Variants in SYN3 observed in about 807,000 individuals in gnomAD.
SYN3 encodes synapsin-3.
In SYN3, 35 loss-of-function variants were observed where a neutral mutation model predicts 65.8. The observed-to-expected ratio is 0.53, with a 90% CI of 0.41 to 0.70. The LOEUF (loss-of-function observed/expected upper bound fraction) is 0.70. Ranked by LOEUF, SYN3 falls within the 30% of genes least tolerant of loss-of-function variation. The probability of loss-of-function intolerance (pLI) is 0.00; values close to 1 mark genes in which losing one functional copy is unlikely to be tolerated. For missense variants in SYN3, 680 were observed against 749.0 expected, an observed-to-expected ratio of 0.91 and a Z score of 1.08; for synonymous variants, 270 against 292.9, an observed-to-expected ratio of 0.92 and a Z score of 0.80.
At chr22:32,520,134 T>C (rs2710366) in intron 12 of SYN3, among the ~76,000 whole-genome samples, 7,890 of 152,124 alleles carry the variant, frequency 0.052, 685 homozygotes, top group African/African-American at 0.18. Flanking sequence ...TGTATATAGG[T>C]ATGTATGTAT....
At chr22:32,776,891 G>A (rs1056845620) in intron 6 of SYN3, among the ~76,000 whole-genome samples, 1 of 152,130 alleles carries the variant, frequency 6.6e-6, no homozygotes, top group Non-Finnish European at 1.5e-5. Context: ...AGCAGGAGCC[G>A]CCCCCTATCC....
At chr22:32,555,409 T>C (rs2058480327) in intron 7 of SYN3, among the ~76,000 whole-genome samples, 1 of 152,210 alleles carries the variant, frequency 6.6e-6, no homozygotes, top group South Asian at 2.1e-4. Flanking sequence ...CCTATTTCAA[T>C]CACCCAGAAA....
intron 4 of SYN3, 75 bp downstream of exon 4, chr22:32,931,314 TG>T: frequency 1.0e-6 from 1 of 963,498 alleles, no homozygotes; most frequent in Non-Finnish European, 1.7e-6. Flanking sequence ...TCGCAGGAAG[TG>T]GACGGAGGGG....
intron 6 of SYN3, among the ~76,000 whole-genome samples, chr22:32,758,996 G>T (rs914779900): frequency 6.6e-6 from 1 of 151,810 alleles, no homozygotes; most frequent in Non-Finnish European, 1.5e-5. Flanking sequence ...TTTCAAGGGA[G>T]GGTCCTGTCC....
intron 6 of SYN3, among the ~76,000 whole-genome samples, chr22:32,770,224 G>T (rs2045732391): frequency 6.6e-6 from 1 of 152,144 alleles, no homozygotes; most frequent in African/African-American, 2.4e-5. Flanking sequence ...ACTAACTCCT[G>T]ATCCAAGGCA....
At chr22:33,039,679 T>A (rs2053927820) in intron 1 of SYN3, among the ~76,000 whole-genome samples, 1 of 152,162 alleles carries the variant, frequency 6.6e-6, no homozygotes, top group African/African-American at 2.4e-5. Flanking sequence ...ATGCTGGGAT[T>A]ACGGGCGTGA....
intron 6 of SYN3, among the ~76,000 whole-genome samples, chr22:32,674,979 A>C (rs2060419947): frequency 6.6e-6 from 1 of 152,242 alleles, no homozygotes; most frequent in Non-Finnish European, 1.5e-5. Flanking sequence ...GAGAGGTAAC[A>C]GATGTACCCC....
chr22:32,528,911 A>G lies in SYN3; in HGVS notation c.1193T>C (p.Met398Thr). 4 of 1,614,104 alleles carry G rather than the reference A, an allele frequency of 2.5e-6. No homozygotes were observed. Among genetic ancestry groups the G allele is most frequent in the Non-Finnish European group, 3.4e-6 (4 of 1,180,024 alleles). ...LVVSKMSQLP[M>T]PGGTAPSPLR... Reference sequence around the variant, plus strand: ...GGGGGAGGGCGCTGTGCCTCCTGGCATCGGGAGCTGGCTCATTTTGGAGAC... The same window carrying G: ...GGGGGAGGGCGCTGTGCCTCCTGGCGTCGGGAGCTGGCTCATTTTGGAGAC... The change falls in exon 11 of 14, where the codon ATG becomes ACG. Residue 398 changes from methionine (M) to threonine (T), a missense_variant. Coordinates refer to ENST00000358763, the MANE Select transcript of SYN3 (RefSeq NM_003490.4).
intron 1 of SYN3, among the ~76,000 whole-genome samples, chr22:33,045,184 C>T (rs1044102401): frequency 6.6e-6 from 1 of 152,134 alleles, no homozygotes; most frequent in African/African-American, 2.4e-5. Flanking sequence ...AAGCAGCTGT[C>T]CAGACAGCTA....
At chr22:32,964,117 C>T (rs2051746826) in intron 3 of SYN3, among the ~76,000 whole-genome samples, 1 of 152,122 alleles carries the variant, frequency 6.6e-6, no homozygotes, top group East Asian at 1.9e-4. Context: ...ACATGAACCT[C>T]AGGGCTGTTG....
intron 7 of SYN3, among the ~76,000 whole-genome samples, chr22:32,553,203 C>G (rs1053226310): frequency 6.6e-6 from 1 of 152,240 alleles, no homozygotes; most frequent in Non-Finnish European, 1.5e-5. Flanking sequence ...AACATATGGG[C>G]TTTACCGGGG....
At chr22:32,621,782 T>C (rs2059598252) in intron 6 of SYN3, among the ~76,000 whole-genome samples, 1 of 152,210 alleles carries the variant, frequency 6.6e-6, no homozygotes, top group African/African-American at 2.4e-5. Context: ...CATTTCGAAG[T>C]TAGGTAATAT....
chr22:32,538,200 G>A, intron 8 of SYN3, 90 bp from the exon 9 acceptor site: 1 of 1,141,588 alleles, frequency 8.8e-7, no homozygotes, highest in East Asian at 2.4e-5. Flanking sequence ...AGGAGGCTCT[G>A]ATTCAAATAA....
intron 2 of SYN3, among the ~76,000 whole-genome samples, chr22:32,990,246 A>G (rs185053359): frequency 6.6e-6 from 1 of 152,230 alleles, no homozygotes; most frequent in East Asian, 1.9e-4. Context: ...ACCATTTATT[A>G]TCCATTCATC....
intron 2 of SYN3, among the ~76,000 whole-genome samples, chr22:32,986,884 C>T (rs1470458753): frequency 3.3e-5 from 5 of 152,046 alleles, no homozygotes; most frequent in African/African-American, 1.2e-4. Context: ...ACATCTGAGG[C>T]CCCAGGAAGA....
At chr22:32,790,854 A>G (rs1225880486) in intron 6 of SYN3, among the ~76,000 whole-genome samples, 8 of 152,206 alleles carry the variant, frequency 5.3e-5, no homozygotes, top group Non-Finnish European at 4.4e-5. Flanking sequence ...CTTGCTCTTC[A>G]CCATCGCAGA....
chr22:32,921,814 G>A (rs2050341028), intron 4 of SYN3, among the ~76,000 whole-genome samples: 4 of 152,252 alleles, frequency 2.6e-5, no homozygotes, highest in South Asian at 2.1e-4. Context: ...CCTATGAGGA[G>A]GTATTGTTAT....
intron 7 of SYN3, among the ~76,000 whole-genome samples, chr22:32,546,373 A>G (rs2058335910): frequency 6.6e-6 from 1 of 152,256 alleles, no homozygotes; most frequent in South Asian, 2.1e-4. Flanking sequence ...GAGTTCCAAA[A>G]AAAGGCAAAG....
intron 7 of SYN3, among the ~76,000 whole-genome samples, chr22:32,573,931 G>A (rs959410422): frequency 3.8e-4 from 54 of 143,018 alleles, no homozygotes; most frequent in African/African-American, 1.4e-3. Context: ...TGCCACGCCC[G>A]GCTAATTTTT....
Sources: allele counts gnomAD v4.1 joint callset (sites outside exome capture counted in the v4.1 genomes callset), GRCh38; gene constraint gnomAD v4.1.1; transcripts MANE v1.5; gene names NCBI Gene and HGNC (gene_info 2026-07-23, HGNC 2026-07-21).